PITPNM2: variants seen among roughly 807,000 people sequenced by gnomAD.
The protein encoded by PITPNM2 is phosphatidylinositol transfer protein membrane associated 2, also known as membrane-associated phosphatidylinositol transfer protein 2.
A neutral mutation model predicts 132.2 loss-of-function variants in PITPNM2; 35 were observed. That is an observed-to-expected ratio of 0.26 (90% CI 0.20 to 0.35). PITPNM2 has a LOEUF of 0.35. PITPNM2 is among the 10% of genes least tolerant of loss of function. PITPNM2 has a pLI of 1.00. For synonymous variants in PITPNM2, 738 were observed against 799.2 expected, an observed-to-expected ratio of 0.92 and a Z score of 1.29; for missense variants, 1,332 against 1,912.0, an observed-to-expected ratio of 0.70 and a Z score of 5.66.
Position 123,035,364 on chromosome 12 carries a change from A to C in PITPNM2, c.-95-679T>G, listed in dbSNP as rs1192251109. Among the ~76,000 whole-genome samples, 4 of 152,184 alleles carry C rather than the reference A, an allele frequency of 2.6e-5. No homozygotes were observed. The South Asian group carries it at 6.2e-4, about 24-fold the overall frequency. ...TTTGATGAAGATTTGTCCCTAAGCAATCACATTTTTTTTTAACTGGGCCGG... is the reference window on the plus strand; with the variant it reads ...TTTGATGAAGATTTGTCCCTAAGCACTCACATTTTTTTTTAACTGGGCCGG... On this transcript the variant is annotated intron_variant, in intron 2 of 25. Coordinates refer to ENST00000320201, the MANE Select transcript of PITPNM2 (RefSeq NM_020845.3).
At chr12:123,030,674 C>G (rs1409610283) in intron 3 of PITPNM2, among the ~76,000 whole-genome samples, 2 of 148,316 alleles carry the variant, frequency 1.3e-5, no homozygotes, top group East Asian at 3.9e-4. Context: ...CCCTGGGCGA[C>G]AGAGCGAGAC....
intron 2 of PITPNM2, among the ~76,000 whole-genome samples, chr12:123,093,040 C>A (rs1303052103): frequency 6.6e-6 from 1 of 152,178 alleles, no homozygotes; most frequent in Admixed American, 6.5e-5. Flanking sequence ...GATGATTGCA[C>A]CATGAGAAGG....
Position 123,042,619 on chromosome 12 carries a change from G to A in PITPNM2, c.-95-7934C>T, listed in dbSNP as rs566001582. Among the ~76,000 whole-genome samples, 7 of 152,262 alleles carry A rather than the reference G, an allele frequency of 4.6e-5. No individual in the cohort carries two copies. The East Asian group carries it at 1.4e-3, about 29-fold the overall frequency. ...AAGCGAGGGAGCCACCGGCAGGTCT[G>A]GGGGCCTGGGACTCAGGACTGTGGG... On this transcript the variant is annotated intron_variant, in intron 2 of 25. Coordinates refer to ENST00000320201, the MANE Select transcript of PITPNM2 (RefSeq NM_020845.3).
Position 122,996,746 on chromosome 12 carries a change from T to G in PITPNM2, c.1637A>C (p.Gln546Pro). ...CTGCCCATTGAAGGTCATGCCCTCC[T>G]GGGACTTGATGAAGTCCCCATAGGC... Reference protein sequence around the residue: ...NLAYGDFIKSQEGMTFNGQVC... With the variant: ...NLAYGDFIKSPEGMTFNGQVC... Residue 546 changes from glutamine (Q) to proline (P), a missense_variant, in exon 12 of 26, where the codon CAG (glutamine) becomes CCG (proline). This residue lies in a region of PITPNM2 where 710 missense variants were observed against 911.5 expected (regional missense o/e 0.78). Transcript: ENST00000320201. 1 of 1,612,040 alleles carries G rather than the reference T, an allele frequency of 6.2e-7. No individual in the cohort carries two copies. The highest frequency in any genetic ancestry group is 8.5e-7 in the Non-Finnish European group (1 of 1,179,462).
chr12:123,003,516 C>T lies in PITPNM2; in HGVS notation c.1048+878G>A, dbSNP rs972101102. 2.0e-5 allele frequency among the ~76,000 whole-genome samples: 3 copies of T among 152,216 alleles called. No individual in the cohort carries two copies. In the East Asian group the frequency reaches 5.8e-4, roughly 29 times the overall value. On this transcript the variant is annotated intron_variant, in intron 8 of 25. Coordinates refer to ENST00000320201, the MANE Select transcript of PITPNM2 (RefSeq NM_020845.3). ...GTCCCCAGCCACCATTCCAGGTCCT[C>T]CAGTCCCAGGGCCAAACCAGGCACC...
chr12:122,994,935 G>C lies in PITPNM2; in HGVS notation c.2099C>G (p.Ser700Cys), dbSNP rs751294396. 7.2e-5 allele frequency: 116 copies of C among 1,611,222 alleles called. No individual in the cohort carries two copies. The highest frequency in any genetic ancestry group is 9.2e-5 in the Non-Finnish European group (108 of 1,179,702). The change falls in exon 15 of 26, where the codon TCC (serine) becomes TGC (cysteine). Residue 700 changes from serine to cysteine, a missense_variant. Transcript: ENST00000320201. The surrounding 1 kb of genome is among the most constrained non-coding windows in gnomAD (Gnocchi z 5.4). ...VLRTEPCSRH[S>C]SSSTMLDGTG... ...GCCATCCAGCATGGTGGAGCTGCTGGAATGGCGTGAGCAGGGCTCAGTCCT... is the reference window on the plus strand; with the variant it reads ...GCCATCCAGCATGGTGGAGCTGCTGCAATGGCGTGAGCAGGGCTCAGTCCT...
intron 2 of PITPNM2, chr12:123,088,806 A>G (rs939146939): frequency 2.0e-5 from 3 of 152,138 alleles, no homozygotes; most frequent in Non-Finnish European, 4.4e-5. Context: ...AGTAGGCCCT[A>G]AAGTAAGATT....
chr12:123,096,345 CA>C (rs1337354092), intron 2 of PITPNM2, among the ~76,000 whole-genome samples: 13 of 152,220 alleles, frequency 8.5e-5, no homozygotes, highest in Non-Finnish European at 4.4e-5. Context: ...CGCGGGAAGC[CA>C]CTTCCCATGA....
intron 8 of PITPNM2, among the ~76,000 whole-genome samples, chr12:123,002,793 T>C (rs1194434857): frequency 6.6e-6 from 1 of 152,238 alleles, no homozygotes; most frequent in Non-Finnish European, 1.5e-5. Flanking sequence ...GTGATCAGAT[T>C]AGGGTAATTA....
In PITPNM2 at chr12:123,053,957, T is replaced by C. The variant is rs567594507; in HGVS notation, c.-95-19272A>G. 3.9e-5 allele frequency among the ~76,000 whole-genome samples: 6 copies of C among 152,316 alleles called. No individual in the cohort carries two copies. The South Asian group carries it at 1.2e-3, about 32-fold the overall frequency. Reference sequence around the variant, plus strand: ...TACTTGTATTTATTTGTGTGTGCAGTGTGTGCATGTATTAAGTTCCATATA... The same window carrying C: ...TACTTGTATTTATTTGTGTGTGCAGCGTGTGCATGTATTAAGTTCCATATA... On this transcript the variant is annotated intron_variant, in intron 2 of 25. Coordinates refer to ENST00000320201, the MANE Select transcript of PITPNM2 (RefSeq NM_020845.3).
chr12:123,028,257 G>T (rs1438452870), intron 3 of PITPNM2, among the ~76,000 whole-genome samples: 1 of 152,220 alleles, frequency 6.6e-6, no homozygotes, highest in African/African-American at 2.4e-5. Context: ...CTTTAACACG[G>T]TGTATATTGA....
rs199575548 is a variant in PITPNM2, at chr12:122,997,345, G to A, written c.1452C>T (p.Asp484=). 3.3e-5 allele frequency: 54 copies of A among 1,613,210 alleles called. No homozygotes were observed. The highest frequency in any genetic ancestry group is 1.7e-4 in the Admixed American group (10 of 60,020). Residue 484 remains aspartate, a synonymous_variant, in exon 11 of 26, where the codon GAC becomes GAT. Coordinates refer to ENST00000320201, the MANE Select transcript of PITPNM2 (RefSeq NM_020845.3). ...RLVPCPPVCS[D]AFALVSNLSP... is the part of the protein sequence containing the mutation. Reference sequence around the variant, plus strand: ...CTCACTTGGAGACCAGGGCAAAGGCGTCAGAGCAGACGGGCGGGCAGGGCA... The same window carrying A: ...CTCACTTGGAGACCAGGGCAAAGGCATCAGAGCAGACGGGCGGGCAGGGCA...
At chr12:123,098,278 GC>G (rs1437084905) in intron 2 of PITPNM2, among the ~76,000 whole-genome samples, 2 of 152,208 alleles carry the variant, frequency 1.3e-5, no homozygotes, top group East Asian at 3.8e-4. Flanking sequence ...ATGGGTTGGG[GC>G]TCATGGGAGG....
At chr12:123,138,191 A>G (rs919949758) in intron 1 of PITPNM2, among the ~76,000 whole-genome samples, 7 of 152,120 alleles carry the variant, frequency 4.6e-5, no homozygotes, top group Admixed American at 3.9e-4. Flanking sequence ...TCACGCCTGT[A>G]ATCCCAACAC....
intron 2 of PITPNM2, among the ~76,000 whole-genome samples, chr12:123,037,618 T>G (rs1201877400): frequency 6.6e-6 from 1 of 152,216 alleles, no homozygotes. Context: ...CTAAGCATTC[T>G]GCCCTTTGGG....
At position 123,097,488 on chromosome 12, in the gene PITPNM2, A is replaced by C. The variant is rs2042441650; in HGVS notation, c.-96+12897T>G. 6.6e-6 allele frequency among the ~76,000 whole-genome samples: 1 copy of C among 152,134 alleles called. No homozygotes were observed. The highest frequency in any genetic ancestry group is 1.5e-5 in the Non-Finnish European group (1 of 68,012). ...CTCGCTCCTCTACCCTCGACCCCAC[A>C]GGCACAAGTGAGCTGTGGCTGGGAG... On this transcript the variant is annotated intron_variant, in intron 2 of 25. Coordinates refer to ENST00000320201, the MANE Select transcript of PITPNM2 (RefSeq NM_020845.3). The surrounding 1 kb of genome is among the most constrained non-coding windows in gnomAD (Gnocchi z 4.7).
intron 1 of PITPNM2, among the ~76,000 whole-genome samples, chr12:123,136,976 C>A (rs568431258): frequency 6.6e-6 from 1 of 152,340 alleles, no homozygotes; most frequent in East Asian, 1.9e-4. Context: ...CCACAGCACA[C>A]AAAATTGACC....
In PITPNM2 at chr12:122,992,796, C is replaced by CT. The variant is rs752456916; in HGVS notation, c.2234-128dup. On this transcript the variant is annotated intron_variant, in intron 15 of 25. Transcript: ENST00000320201. This position sits in a 1 kb window ranked among gnomAD's most constrained non-coding sequence, Gnocchi z 6.5. ...TAGGGATAAGATGGGGGGTGTGTCT[C>CT]TATCAATTTGGGACCTGTTTGGGTC... 256 of 679,282 alleles carry CT rather than the reference C, an allele frequency of 3.8e-4. No homozygotes were observed. The highest frequency in any genetic ancestry group is 4.9e-4 in the Non-Finnish European group (205 of 414,302). 42.1% of individuals were successfully genotyped at this position (679,282 alleles called of 1,614,324 possible).
intron 3 of PITPNM2, among the ~76,000 whole-genome samples, chr12:123,032,016 C>T (rs1047006098): frequency 1.3e-5 from 2 of 152,198 alleles, no homozygotes; most frequent in Non-Finnish European, 2.9e-5. Context: ...GGAGATGTTT[C>T]CATCCTGCCA....
Sources: gnomAD v4.1 joint callset for allele counts (sites outside exome capture counted in the v4.1 genomes callset) on GRCh38, gnomAD v4.1.1 for gene constraint, gnomAD v4.1.1 regional missense constraint, Gnocchi (gnomAD v3.1) non-coding constraint, MANE v1.5 for transcripts, NCBI Gene and HGNC (gene_info 2026-07-23, HGNC 2026-07-21) for gene names.